The following NR3C2 variants were observed in gnomAD, a reference collection of about 807,000 sequenced individuals.
NR3C2 encodes nuclear receptor subfamily 3 group C member 2, also known as mineralocorticoid receptor.
In NR3C2, 15 loss-of-function variants were observed where a neutral mutation model predicts 86.4. That is an observed-to-expected ratio of 0.17 (90% CI 0.12 to 0.27). The LOEUF (loss-of-function observed/expected upper bound fraction) is 0.27, where lower values mean the gene tolerates loss of function less well. NR3C2 is among the 10% of genes least tolerant of loss of function. NR3C2 has a pLI of 1.00. For missense variants in NR3C2, 960 were observed against 1,195.6 expected (o/e 0.80, Z 2.91); for synonymous variants, 458 against 450.5 (o/e 1.02, Z -0.21).
chr4:148,093,918 G>A (rs530421328), intron 8 of NR3C2, among the ~76,000 whole-genome samples: 6 of 152,254 alleles, frequency 3.9e-5, no homozygotes, highest in Admixed American at 2.0e-4. Context: ...CAAAGAATGG[G>A]AGAAGATATT....
intron 2 of NR3C2, among the ~76,000 whole-genome samples, chr4:148,282,060 C>A (rs1741273413): frequency 6.6e-6 from 1 of 152,154 alleles, no homozygotes. Flanking sequence ...GAGACAGAGT[C>A]TCGCTGTTGT....
intron 2 of NR3C2, among the ~76,000 whole-genome samples, chr4:148,353,070 C>T (rs557323319): frequency 3.9e-5 from 6 of 152,000 alleles, no homozygotes; most frequent in East Asian, 3.9e-4. Context: ...TAGGGCAATG[C>T]GTCAGTTTTT....
chr4:148,249,696 C>T (rs1418382617), intron 3 of NR3C2, among the ~76,000 whole-genome samples: 3 of 152,124 alleles, frequency 2.0e-5, no homozygotes, highest in Non-Finnish European at 2.9e-5. Context: ...TCTCTCTCTT[C>T]CTTGGGATTG....
chr4:148,371,541 T>C (rs1746421718), intron 2 of NR3C2, among the ~76,000 whole-genome samples: 1 of 152,022 alleles, frequency 6.6e-6, no homozygotes. Context: ...CCCATGTTAT[T>C]GAAAGTGAAA....
chr4:148,427,055 A>G (rs1273497357), intron 2 of NR3C2, among the ~76,000 whole-genome samples: 3 of 151,982 alleles, frequency 2.0e-5, no homozygotes, highest in Admixed American at 2.0e-4. Flanking sequence ...CCCACGTTCA[A>G]GCGATTCTTG....
chr4:148,409,689 T>C (rs752579673), intron 2 of NR3C2, among the ~76,000 whole-genome samples: 4 of 152,140 alleles, frequency 2.6e-5, no homozygotes, highest in African/African-American at 9.6e-5. Flanking sequence ...TGAAAATATA[T>C]TAAAATGAAA....
At chr4:148,099,024 T>A (rs1261432229) in intron 8 of NR3C2, among the ~76,000 whole-genome samples, 1 of 152,156 alleles carries the variant, frequency 6.6e-6, no homozygotes, top group Non-Finnish European at 1.5e-5. Flanking sequence ...CCACCCAAAC[T>A]TTTTGTCTTT....
chr4:148,436,703 C>T lies in NR3C2; in HGVS notation c.158G>A (p.Gly53Asp). The T allele has an allele frequency of 1.2e-6, 2 of 1,614,146 alleles. No individual in the cohort carries two copies. Among genetic ancestry groups the T allele is most frequent in the Non-Finnish European group, 1.7e-6 (2 of 1,180,042 alleles). Residue 53 changes from glycine (G) to aspartate (D), a missense_variant, in exon 2 of 9, where the codon GGT becomes GAT. Coordinates refer to ENST00000358102, the MANE Select transcript of NR3C2 (RefSeq NM_000901.5). Reference sequence around the variant, plus strand: ...TTGAGTACTGTTGTTTGGAATAGCACCGGAAACACAGCTTACGTTGACAAT... The same window carrying T: ...TTGAGTACTGTTGTTTGGAATAGCATCGGAAACACAGCTTACGTTGACAAT... ...MEIVNVSCVSGAIPNNSTQGS... is the reference protein window; with the variant it reads ...MEIVNVSCVSDAIPNNSTQGS...
intron 2 of NR3C2, among the ~76,000 whole-genome samples, chr4:148,270,455 T>G (rs1740624521): frequency 6.6e-6 from 1 of 152,228 alleles, no homozygotes; most frequent in African/African-American, 2.4e-5. Context: ...AAGCTCATTC[T>G]AAAAATCTAT....
chr4:148,325,218 T>C (rs1743902383), intron 2 of NR3C2, among the ~76,000 whole-genome samples: 1 of 152,106 alleles, frequency 6.6e-6, no homozygotes, highest in South Asian at 2.1e-4. Context: ...CTCAAAGTTC[T>C]CTCAGTTCTG....
intron 3 of NR3C2, among the ~76,000 whole-genome samples, chr4:148,239,379 G>T (rs1157327009): frequency 7.9e-5 from 12 of 152,250 alleles, no homozygotes; most frequent in Non-Finnish European, 1.6e-4. Flanking sequence ...AAGGCATGGA[G>T]TCTTCAGTTC....
intron 4 of NR3C2, among the ~76,000 whole-genome samples, chr4:148,166,264 G>A (rs549055768): frequency 6.6e-6 from 1 of 152,306 alleles, no homozygotes; most frequent in Admixed American, 6.5e-5. Flanking sequence ...ATTCCAGCTA[G>A]TCTCTGCACA....
At chr4:148,284,987 A>C (rs536486434) in intron 2 of NR3C2, among the ~76,000 whole-genome samples, 1 of 152,340 alleles carries the variant, frequency 6.6e-6, no homozygotes, top group East Asian at 1.9e-4. Flanking sequence ...TGGCAGGGAC[A>C]GACTTGAATC....
chr4:148,208,465 C>T (rs1007455092), intron 3 of NR3C2: 8 of 152,264 alleles, frequency 5.3e-5, no homozygotes, highest in African/African-American at 1.9e-4. Flanking sequence ...GCCTCATTCC[C>T]CTGTGTCCCA....
At chr4:148,091,574 A>C (rs1731063389) in intron 8 of NR3C2, among the ~76,000 whole-genome samples, 1 of 152,214 alleles carries the variant, frequency 6.6e-6, no homozygotes, top group South Asian at 2.1e-4. Context: ...GACCAGCCAG[A>C]ATAGATACTG....
intron 4 of NR3C2, among the ~76,000 whole-genome samples, chr4:148,190,936 G>A (rs4122852): frequency 0.74 from 112,266 of 152,132 alleles, 42,503 homozygotes; most frequent in African/African-American, 0.92. Flanking sequence ...CTGCGGTTCT[G>A]TATCTTTTAA....
intron 5 of NR3C2, among the ~76,000 whole-genome samples, 160 bp from the exon 6 acceptor site, chr4:148,152,773 C>G (rs1010182961): frequency 3.9e-5 from 6 of 152,176 alleles, no homozygotes; most frequent in Non-Finnish European, 7.4e-5. Flanking sequence ...GTGCCCACCA[C>G]TGGCCCAGTC....
chr4:148,280,506 C>A (rs886630127), intron 2 of NR3C2, among the ~76,000 whole-genome samples: 5 of 151,792 alleles, frequency 3.3e-5, no homozygotes, highest in African/African-American at 1.2e-4. Context: ...AAAATTAATT[C>A]TCTTACTTTT....
chr4:148,381,227 CAAAA>C (rs1746970770), intron 2 of NR3C2, among the ~76,000 whole-genome samples: 1 of 113,956 alleles, frequency 8.8e-6, no homozygotes, highest in Non-Finnish European at 1.8e-5. Context: ...GACCCTGTCT[CAAAA>C]GAAAAAAAAA....
Sources: allele counts gnomAD v4.1 joint callset (sites outside exome capture counted in the v4.1 genomes callset), GRCh38; gene constraint gnomAD v4.1.1; transcripts MANE v1.5; gene names NCBI Gene and HGNC (gene_info 2026-07-23, HGNC 2026-07-21).